Variants in RNLS observed in about 807,000 individuals in gnomAD.
RNLS encodes the protein renalase, FAD dependent amine oxidase.
Under a neutral mutation model 39.8 loss-of-function variants are expected in RNLS, and 39 were observed. That is an observed-to-expected ratio of 0.98 (90% CI 0.76 to 1.28). The LOEUF is 1.28. RNLS is among the 50% of genes most tolerant of loss of function. The pLI is 0.00. For missense variants in RNLS, 410 were observed against 413.3 expected, an observed-to-expected ratio of 0.99 and a Z score of 0.07; for synonymous variants, 147 against 150.7, an observed-to-expected ratio of 0.98 and a Z score of 0.18.
At chr10:88,399,406 T>G (rs1852773356) in intron 4 of RNLS, among the ~76,000 whole-genome samples, 1 of 151,986 alleles carries the variant, frequency 6.6e-6, no homozygotes, top group South Asian at 2.1e-4. Flanking sequence ...AATTGATGAA[T>G]GGATAAACAA....
rs139780037 is a variant in RNLS at position 88,575,112 on chromosome 10, G to T, written c.368-2051C>A. ...GAAAATGTATCCCAATGGCCACAAG[G>T]TGTTCTGCAAAGTATATATATATAT... On this transcript the variant is annotated intron_variant, in intron 3 of 6. Coordinates refer to ENST00000331772, the MANE Select transcript of RNLS (RefSeq NM_001031709.3). Among the ~76,000 whole-genome samples, 143 of 121,512 alleles carry T rather than the reference G, an allele frequency of 1.2e-3. 2 individuals carry two copies. Among genetic ancestry groups the T allele is most frequent in the Admixed American group, 8.2e-3 (89 of 10,826 alleles). 79.7% of individuals were successfully genotyped at this position (121,512 alleles called of 152,430 possible).
the RNLS span, among the ~76,000 whole-genome samples, chr10:88,267,081 G>A: frequency 6.6e-6 from 1 of 152,084 alleles, no homozygotes; most frequent in Non-Finnish European, 1.5e-5. Flanking sequence ...GCCTACTCCT[G>A]TTCCCTGTAC....
intron 4 of RNLS, among the ~76,000 whole-genome samples, chr10:88,456,364 ATATT>A (rs1383314327): frequency 3.5e-4 from 53 of 151,524 alleles, no homozygotes; most frequent in African/African-American, 1.2e-3. Flanking sequence ...GATATATATA[ATATT>A]TATTTATTTA....
chr10:88,300,145 A>G (rs1465350947), intron 6 of RNLS, among the ~76,000 whole-genome samples: 1 of 152,198 alleles, frequency 6.6e-6, no homozygotes, highest in Non-Finnish European at 1.5e-5. Context: ...AACACACATA[A>G]GATATCTGAG....
intron 4 of RNLS, among the ~76,000 whole-genome samples, chr10:88,432,222 CT>C (rs1337344735): frequency 1.3e-5 from 2 of 151,610 alleles, no homozygotes; most frequent in Non-Finnish European, 3.0e-5. Flanking sequence ...TCCTTTAACC[CT>C]TTTAATATTC....
the RNLS span, among the ~76,000 whole-genome samples, chr10:88,193,009 G>A: frequency 6.6e-6 from 1 of 152,254 alleles, no homozygotes; most frequent in East Asian, 1.9e-4. Context: ...TGACATCGAA[G>A]TATAGTGCTG....
intron 3 of RNLS, 125 bp from the exon 4 acceptor site, chr10:88,573,186 T>C: frequency 1.3e-6 from 1 of 785,508 alleles, no homozygotes; most frequent in Non-Finnish European, 2.0e-6. Flanking sequence ...TCTACTGTCC[T>C]CCAGCTCTCT....
At chr10:88,361,944 C>T (rs2133366284) in intron 5 of RNLS, among the ~76,000 whole-genome samples, 1 of 152,282 alleles carries the variant, frequency 6.6e-6, no homozygotes, top group South Asian at 2.1e-4. Context: ...TCTTACAATT[C>T]AAATCTAATT....
the RNLS span, among the ~76,000 whole-genome samples, chr10:88,263,779 C>T: frequency 4.6e-5 from 7 of 152,164 alleles, no homozygotes; most frequent in Non-Finnish European, 1.0e-4. Context: ...TAGGCATTCT[C>T]ATCTGTCCAA....
intron 5 of RNLS, among the ~76,000 whole-genome samples, chr10:88,361,386 A>G (rs1849631923): frequency 6.6e-6 from 1 of 152,142 alleles, no homozygotes; most frequent in Non-Finnish European, 1.5e-5. Flanking sequence ...AACTTAATAC[A>G]CCCTGACAGA....
At position 88,526,311 on chromosome 10, in the gene RNLS, G is replaced by T. The variant is rs557266757; in HGVS notation, c.526+46592C>A. On this transcript the variant is annotated intron_variant, in intron 4 of 6. Coordinates refer to ENST00000331772, the MANE Select transcript of RNLS (RefSeq NM_001031709.3). ...GAATTGCAGAGCCTCTGCCCTGAAT[G>T]ATAAAGAAGTTAGGAACTTTCAATT... Among the ~76,000 whole-genome samples, 8 of 151,292 alleles carry T rather than the reference G, an allele frequency of 5.3e-5. No individual in the cohort carries two copies. In the East Asian group the frequency reaches 1.4e-3, roughly 26 times the overall value.
the RNLS span, among the ~76,000 whole-genome samples, chr10:88,208,808 G>T: frequency 6.6e-6 from 1 of 152,084 alleles, no homozygotes; most frequent in South Asian, 2.1e-4. Flanking sequence ...ATCTGTCATG[G>T]CCAGATCAAA....
chr10:88,468,089 GAAC>G (rs1162192931), intron 4 of RNLS, among the ~76,000 whole-genome samples: 1 of 152,080 alleles, frequency 6.6e-6, no homozygotes, highest in African/African-American at 2.4e-5. Flanking sequence ...GAGTTGAAAA[GAAC>G]AACAGGATGA....
intron 4 of RNLS, among the ~76,000 whole-genome samples, chr10:88,483,210 A>G (rs529457382): frequency 6.6e-6 from 1 of 152,080 alleles, no homozygotes; most frequent in East Asian, 1.9e-4. Flanking sequence ...AGTTTATCAG[A>G]TTATCATATG....
chr10:88,374,299 C>T (rs1850792682), intron 4 of RNLS, among the ~76,000 whole-genome samples: 1 of 152,016 alleles, frequency 6.6e-6, no homozygotes, highest in African/African-American at 2.4e-5. Flanking sequence ...CAATTATAGA[C>T]CAGGTTATCC....
At chr10:88,570,030 C>T (rs12247690) in intron 4 of RNLS, among the ~76,000 whole-genome samples, 54,087 of 151,870 alleles carry the variant, frequency 0.36, 10,339 homozygotes, top group African/African-American at 0.48. Flanking sequence ...AAAGAAATAA[C>T]ACCAAACTTG....
chr10:88,328,780 C>T (rs796115490), intron 5 of RNLS, among the ~76,000 whole-genome samples: 4 of 152,114 alleles, frequency 2.6e-5, no homozygotes, highest in African/African-American at 7.2e-5. Flanking sequence ...CTATCTTATA[C>T]AGTTAATGTT....
chr10:88,184,828 C>G, the RNLS span, among the ~76,000 whole-genome samples: 2 of 152,082 alleles, frequency 1.3e-5, no homozygotes, highest in Non-Finnish European at 2.9e-5. Context: ...TATGAAGTAC[C>G]TTTTTGTGTC....
chr10:88,538,823 C>T (rs1014131264), intron 4 of RNLS, among the ~76,000 whole-genome samples: 7 of 147,344 alleles, frequency 4.8e-5, no homozygotes, highest in African/African-American at 9.7e-5. Flanking sequence ...GAAGTTATAA[C>T]ATCTACTTGA....
Sources: allele counts gnomAD v4.1 joint callset (sites outside exome capture counted in the v4.1 genomes callset), GRCh38; gene constraint gnomAD v4.1.1; transcripts MANE v1.5; gene names NCBI Gene and HGNC (gene_info 2026-07-23, HGNC 2026-07-21).